The following TRIM28 variants were observed in gnomAD, a reference collection of about 807,000 sequenced individuals.
TRIM28 encodes the protein transcription intermediary factor 1-beta.
Under a neutral mutation model 87.4 loss-of-function variants are expected in TRIM28, and 8 were observed. The observed-to-expected ratio is 0.09, with a 90% CI of 0.05 to 0.17. The LOEUF (loss-of-function observed/expected upper bound fraction) is 0.17, where lower values mean the gene tolerates loss of function less well. Among genes scored for constraint, TRIM28 ranks in the 10% least tolerant of loss-of-function variants. TRIM28 has a pLI of 1.00. For missense variants in TRIM28, 968 were observed against 1,131.8 expected, an observed-to-expected ratio of 0.86 and a Z score of 2.08; for synonymous variants, 601 against 454.3, an observed-to-expected ratio of 1.32 and a Z score of -4.11.
rs1290805391 is a variant in TRIM28 at position 58,545,883 on chromosome 19, T to C, written c.573T>C (p.Thr191=). 3.1e-6 allele frequency: 5 copies of C among 1,594,554 alleles called. No individual in the cohort carries two copies. Among genetic ancestry groups the C allele is most frequent in the Non-Finnish European group, 4.3e-6 (5 of 1,164,812 alleles). ...HQRVKYTKDH[T]VRSTGPAKSR... is the part of the protein sequence containing the mutation. ...GGGTGAAGTACACCAAGGACCATAC[T>C]GTGCGCTCTACTGGTACATGAGGCT... The change falls in exon 3 of 17, where the codon ACT becomes ACC. Residue 191 remains threonine (T), a synonymous_variant. Transcript: ENST00000253024.
chr19:58,545,747 C>G lies in TRIM28; in HGVS notation c.454-17C>G, dbSNP rs750665537. On this transcript the variant is annotated splice_polypyrimidine_tract_variant and intron_variant, in intron 2 of 16. Transcript: ENST00000253024. ...TCAAGTTGTCTTGCCTTCTCTGACC[C>G]TGCCTTTGTCTGGCAGTGCTGCACT... 23 of 1,595,036 alleles carry G rather than the reference C, an allele frequency of 1.4e-5. No individual in the cohort carries two copies. Among genetic ancestry groups the G allele is most frequent in the Non-Finnish European group, 2.0e-5 (23 of 1,166,246 alleles).
Position 58,547,233 on chromosome 19 carries a change from C to T in TRIM28, c.587-143C>T, listed in dbSNP as rs1457856506. On this transcript the variant is annotated intron_variant, in intron 3 of 16. Transcript: ENST00000253024. ...GGAGTTGGGCTTGCAGGCCTGTGTT[C>T]TTCCCTGGCCACACCCTCTACATCT... 4.7e-6 allele frequency: 5 copies of T among 1,074,892 alleles called. No individual in the cohort carries two copies. In the African/African-American group the frequency reaches 4.8e-5, roughly 10 times the overall value. The allele number at this position is 1,074,892 out of a possible 1,614,324, so 66.6% of individuals were successfully genotyped here. A position where few individuals can be genotyped will look rare whatever the true frequency, so the allele number is the denominator to read the frequency against.
chr19:58,547,723 G>C lies in TRIM28; in HGVS notation c.839+10G>C, dbSNP rs767866282. The C allele has an allele frequency of 6.2e-7, 1 of 1,613,970 alleles. No homozygotes were observed. The highest frequency in any genetic ancestry group is 1.3e-5 in the African/African-American group (1 of 74,920). The stretch of plus-strand genomic sequence containing the variant: ...AGGAGGTTCGCAGCTCGTAAGTGTG[G>C]GTTCTGGGGCTGTGGGGGTGGCCCA... On this transcript the variant is annotated intron_variant, in intron 5 of 16. Transcript: ENST00000253024.
chr19:58,548,265 A>G (rs763052356), intron 7 of TRIM28, 29 bp from the exon 8 acceptor site: 3 of 1,613,794 alleles, frequency 1.9e-6, no homozygotes, highest in Non-Finnish European at 2.5e-6. Flanking sequence ...TGGTGTGCTC[A>G]TTCTTTCCTC....
rs2053754232 is a variant in TRIM28, at chr19:58,545,571, C to T, written c.453+34C>T. On this transcript the variant is annotated intron_variant, in intron 2 of 16. Coordinates refer to ENST00000253024, the MANE Select transcript of TRIM28 (RefSeq NM_005762.3). Reference sequence around the variant, plus strand: ...TATCTCAGCAACCACAAGGAGGTTTCTGGGGAGGGGGCATCTGCGCAGGAG... The same window carrying T: ...TATCTCAGCAACCACAAGGAGGTTTTTGGGGAGGGGGCATCTGCGCAGGAG... 7.0e-6 allele frequency: 11 copies of T among 1,564,546 alleles called. No individual in the cohort carries two copies. The South Asian group carries it at 7.8e-5, about 11-fold the overall frequency.
chr19:58,544,895 CGCG>C lies in TRIM28; in HGVS notation c.142_144del (p.Ala48del). On this transcript the variant is annotated inframe_deletion, in exon 1 of 17. Coordinates refer to ENST00000253024, the MANE Select transcript of TRIM28 (RefSeq NM_005762.3). ...CCGCAGCCTCGGCCTCTGCCTCAGC[CGCG>C]GCGTCGTCGCCCGCGGGGGGCGGCG... is the stretch of plus-strand genomic sequence containing the variant. The C allele has an allele frequency of 7.3e-7, 1 of 1,376,786 alleles. No individual in the cohort carries two copies. The highest frequency in any genetic ancestry group is 9.3e-7 in the Non-Finnish European group (1 of 1,073,606). The allele number at this position is 1,376,786 out of a possible 1,614,324, so 85.3% of individuals were successfully genotyped here.
At chr19:58,550,081 T>C in intron 15 of TRIM28, 46 bp downstream of exon 15, 1 of 1,613,550 alleles carries the variant, frequency 6.2e-7, no homozygotes. Flanking sequence ...GGCTGCTGGG[T>C]CTCGCCCTCA....
At chr19:58,546,554 G>C (rs943067825) in intron 3 of TRIM28, among the ~76,000 whole-genome samples, 2 of 152,194 alleles carry the variant, frequency 1.3e-5, no homozygotes, top group African/African-American at 4.8e-5. Context: ...GAAGGTGGTG[G>C]CTGTGGGGCC....
chr19:58,545,461 C>T lies in TRIM28; in HGVS notation c.377C>T (p.Ser126Phe). 1 of 1,612,876 alleles carries T rather than the reference C, an allele frequency of 6.2e-7. No homozygotes were observed. Among genetic ancestry groups the T allele is most frequent in the South Asian group, 1.1e-5 (1 of 91,084 alleles). The change falls in exon 2 of 17, where the codon TCC becomes TTC. Residue 126 changes from serine to phenylalanine, a missense_variant. Ser to Phe is a radical substitution (Grantham distance 155). This residue lies in a region of TRIM28 where 51 missense variants were observed against 69.3 expected (regional missense o/e 0.74). Transcript: ENST00000253024. ...DCPVCKQQCF[S>F]KDIVENYFMR... ...CCCGTGTGCAAGCAACAGTGCTTCT[C>T]CAAAGACATCGTGGAGAATTATTTC... is the stretch of plus-strand genomic sequence containing the variant.
chr19:58,548,433 C>G, intron 8 of TRIM28, 25 bp downstream of exon 8: 2 of 1,613,994 alleles, frequency 1.2e-6, no homozygotes, highest in African/African-American at 1.3e-5. Context: ...TTACCTCACT[C>G]TGTTATTACC....
Position 58,544,908 on chromosome 19 carries a change from C to A in TRIM28, c.151C>A (p.Pro51Thr). 7.2e-7 allele frequency: 1 copy of A among 1,388,230 alleles called. No homozygotes were observed. The highest frequency in any genetic ancestry group is 9.3e-7 in the Non-Finnish European group (1 of 1,079,766). The allele number at this position is 1,388,230 out of a possible 1,614,324, so 86.0% of individuals were successfully genotyped here. A position where few individuals can be genotyped will look rare whatever the true frequency, so the allele number is the denominator to read the frequency against. The change falls in exon 1 of 17, where the codon CCC becomes ACC. Residue 51 changes from proline (P) to threonine (T), a missense_variant. Coordinates refer to ENST00000253024, the MANE Select transcript of TRIM28 (RefSeq NM_005762.3). The part of the protein sequence containing the change: ...SASASAAASS[P>T]AGGGAEALEL... ...CTCTGCCTCAGCCGCGGCGTCGTCG[C>A]CCGCGGGGGGCGGCGCCGAGGCGCT... is the stretch of plus-strand genomic sequence containing the variant.
chr19:58,547,204 G>T (rs1213132568), intron 3 of TRIM28, 172 bp from the exon 4 acceptor site: 5 of 675,438 alleles, frequency 7.4e-6, no homozygotes, highest in Admixed American at 3.2e-5. Context: ...GATTCTGGGA[G>T]CAAGGAGTTG....
At position 58,544,176 on chromosome 19, in the gene TRIM28, G is replaced by C. The variant is rs1347417375; in HGVS notation, c.-582G>C. 17 of 152,388 alleles carry C rather than the reference G, an allele frequency of 1.1e-4. No homozygotes were observed. The highest frequency in any genetic ancestry group is 1.1e-3 in the Admixed American group (17 of 15,290). 9.4% of individuals were successfully genotyped at this position (152,388 alleles called of 1,614,324 possible). On this transcript the variant is annotated 5_prime_UTR_variant, in exon 1 of 17. Transcript: ENST00000253024. Reference sequence around the variant, plus strand: ...CAGCGGCCCGCTTCTGTGTGGTCTGGAGGTGGAGCTGAGAGGGGAATCACA... The same window carrying C: ...CAGCGGCCCGCTTCTGTGTGGTCTGCAGGTGGAGCTGAGAGGGGAATCACA...
chr19:58,547,746 C>A (rs1351971277), intron 5 of TRIM28, 33 bp downstream of exon 5: 1 of 1,613,654 alleles, frequency 6.2e-7, no homozygotes, highest in African/African-American at 1.3e-5. Flanking sequence ...TGGGGGTGGC[C>A]CAGGGCAGCA....
rs2053809726 is a variant in TRIM28, at chr19:58,550,639, C to G, written c.*86C>G. 7.3e-7 allele frequency: 1 copy of G among 1,379,302 alleles called. No homozygotes were observed. Among genetic ancestry groups the G allele is most frequent in the Non-Finnish European group, 9.8e-7 (1 of 1,020,990 alleles). The allele number at this position is 1,379,302 out of a possible 1,614,324, so 85.4% of individuals were successfully genotyped here. A position where few individuals can be genotyped will look rare whatever the true frequency, so the allele number is the denominator to read the frequency against. ...CACTCCCCTGGTGGCCTGACTCCCA[C>G]TCCCTGGTGGCCCCATCCCCCAGTT... On this transcript the variant is annotated 3_prime_UTR_variant, in exon 17 of 17. Transcript: ENST00000253024.
exon 17 of TRIM28, chr19:58,550,712 AGTTCCTCAGGC>A: frequency 1.3e-6 from 1 of 792,582 alleles, no homozygotes. Flanking sequence ...AAACTTCACC[AGTTCCTCAGGC>A]GTTGGCTGGT....
chr19:58,548,260 T>A (rs939162372), intron 7 of TRIM28, 34 bp from the exon 8 acceptor site: 1 of 1,613,960 alleles, frequency 6.2e-7, no homozygotes, highest in Non-Finnish European at 8.5e-7. Context: ...GTTGTTGGTG[T>A]GCTCATTCTT....
At position 58,547,795 on chromosome 19, in the gene TRIM28, C is replaced by A. The variant is rs761319341; in HGVS notation, c.843C>A (p.Ile281=). The A allele has an allele frequency of 2.5e-6, 4 of 1,614,120 alleles. No homozygotes were observed. Residue 281 remains isoleucine, a synonymous_variant, in exon 6 of 17, where the codon ATC becomes ATA. Coordinates refer to ENST00000253024, the MANE Select transcript of TRIM28 (RefSeq NM_005762.3). ...QKSTKEVRSS[I]RQVSDVQKRV... is the part of the protein sequence containing the mutation. ...CCTGACCTGCTGTGTCCCCTAGAAT[C>A]CGCCAGGTGTCTGACGTACAGAAGC...
chr19:58,545,367 G>A, intron 1 of TRIM28, 58 bp from the exon 2 acceptor site: 1 of 1,390,410 alleles, frequency 7.2e-7, no homozygotes, highest in Non-Finnish European at 1.0e-6. Flanking sequence ...GGGGAATGGT[G>A]GGGGCCATAA....
Sources: gnomAD v4.1 joint callset for allele counts (sites outside exome capture counted in the v4.1 genomes callset) on GRCh38, gnomAD v4.1.1 for gene constraint, gnomAD v4.1.1 regional missense constraint, MANE v1.5 for transcripts, NCBI Gene and HGNC (gene_info 2026-07-23, HGNC 2026-07-21) for gene names.